Variants in VSIG10 observed in about 807,000 individuals in gnomAD.
The protein encoded by VSIG10 is V-set and immunoglobulin domain-containing protein 10.
VSIG10 carries 48 observed loss-of-function variants against 58.7 expected under a neutral mutation model. The ratio of observed to expected loss-of-function variants is 0.82; its 90% CI spans 0.65 to 1.04. The LOEUF (loss-of-function observed/expected upper bound fraction) is 1.04, where lower values mean the gene tolerates loss of function less well. Among genes scored for constraint, VSIG10 ranks in the 50% least tolerant of loss-of-function variants. The pLI, the probability that VSIG10 is intolerant of heterozygous loss-of-function variation, is 0.00. For synonymous variants in VSIG10, 260 were observed against 267.1 expected, an observed-to-expected ratio of 0.97 and a Z score of 0.26; for missense variants, 628 against 670.0, an observed-to-expected ratio of 0.94 and a Z score of 0.69.
chr12:118,071,507 A>C (rs759367839), intron 5 of VSIG10, 38 bp from the exon 6 acceptor site: 2 of 1,574,100 alleles, frequency 1.3e-6, no homozygotes, highest in Admixed American at 3.3e-5. Flanking sequence ...CTTCCATCAG[A>C]TATGTGTGCA....
In VSIG10 at chr12:118,081,228, A is replaced by C. The variant is rs1307249068; in HGVS notation, c.664+899T>G. 7.9e-5 allele frequency among the ~76,000 whole-genome samples: 12 copies of C among 152,288 alleles called. No individual in the cohort carries two copies. In the East Asian group the frequency reaches 2.3e-3, roughly 30 times the overall value. ...GCCACTGCACTCTAGCCTGGGTGAC[A>C]GAGCGAGACTCGGTCTCAAAAAGAA... On this transcript the variant is annotated intron_variant, in intron 3 of 8. Transcript: ENST00000359236.
intron 2 of VSIG10, among the ~76,000 whole-genome samples, chr12:118,093,757 A>C (rs1451659267): frequency 1.3e-5 from 2 of 151,768 alleles, no homozygotes; most frequent in African/African-American, 4.8e-5. Context: ...AAAAATACAA[A>C]AATTAGCCGG....
Position 118,079,554 on chromosome 12 carries a change from G to A in VSIG10, c.717C>T (p.Phe239=). The change falls in exon 4 of 9, where the codon TTC becomes TTT. Residue 239 remains phenylalanine (F), a synonymous_variant. Transcript: ENST00000359236. ...QCWAQMASGS[F]MLQLTCRWDG... is the part of the protein sequence containing the mutation. ...CCCAGCGACAGGTAAGCTGCAACAT[G>A]AACGATCCTGATGCCATCTGTGCCC... 1 of 1,614,030 alleles carries A rather than the reference G, an allele frequency of 6.2e-7. No homozygotes were observed. The highest frequency in any genetic ancestry group is 8.5e-7 in the Non-Finnish European group (1 of 1,179,904).
At chr12:118,073,254 G>C (rs1422500000) in intron 5 of VSIG10, among the ~76,000 whole-genome samples, 1 of 152,054 alleles carries the variant, frequency 6.6e-6, no homozygotes, top group East Asian at 1.9e-4. Context: ...CAAACTCCTG[G>C]CCTCAAGTGA....
intron 2 of VSIG10, among the ~76,000 whole-genome samples, chr12:118,094,965 G>A (rs373257160): frequency 5.2e-4 from 78 of 150,492 alleles, no homozygotes; most frequent in African/African-American, 1.5e-3. Flanking sequence ...GCGCAGTGGC[G>A]CAATCTTGGC....
chr12:118,095,459 T>A (rs749790490), intron 2 of VSIG10, 74 bp downstream of exon 2: 7 of 1,573,630 alleles, frequency 4.4e-6, no homozygotes, highest in Non-Finnish European at 6.0e-6. Context: ...AAAACCCATA[T>A]TCCTGACCAT....
At chr12:118,095,309 G>A (rs1347106675) in intron 2 of VSIG10, among the ~76,000 whole-genome samples, 1 of 152,198 alleles carries the variant, frequency 6.6e-6, no homozygotes, top group Non-Finnish European at 1.5e-5. Flanking sequence ...CCAAAGTGCT[G>A]GGATTACAGG....
At chr12:118,080,329 AT>A (rs1009025893) in intron 3 of VSIG10, among the ~76,000 whole-genome samples, 13 of 105,418 alleles carry the variant, frequency 1.2e-4, no homozygotes, top group East Asian at 8.2e-4. Context: ...TTATTTTTTC[AT>A]TTTTTTTTTA....
intron 2 of VSIG10, among the ~76,000 whole-genome samples, chr12:118,087,855 A>AAAAAAAAGAG (rs766337791): frequency 1.1e-4 from 14 of 131,234 alleles, no homozygotes; most frequent in East Asian, 2.1e-4. Context: ...AAAAAAAAAA[A>AAAAAAAAGAG]AGAGAGAGAA....
chr12:118,088,356 G>A (rs945710718), intron 2 of VSIG10, among the ~76,000 whole-genome samples: 1 of 152,062 alleles, frequency 6.6e-6, no homozygotes. Context: ...GTTCAAGTGT[G>A]CTGAGGGCTA....
At chr12:118,069,124 C>CT (rs79927128) in intron 7 of VSIG10, among the ~76,000 whole-genome samples, 27,344 of 151,908 alleles carry the variant, frequency 0.18, 2,826 homozygotes, top group East Asian at 0.53. Context: ...GAGTCTTGCG[C>CT]TGTTGCCCAG....
chr12:118,072,094 G>A (rs990217682), intron 5 of VSIG10, among the ~76,000 whole-genome samples: 45 of 150,832 alleles, frequency 3.0e-4, no homozygotes, highest in African/African-American at 8.0e-4. Context: ...ACTTGAACCC[G>A]GGAGGCGGGG....
intron 2 of VSIG10, among the ~76,000 whole-genome samples, chr12:118,088,531 C>T (rs991388058): frequency 2.0e-5 from 3 of 152,140 alleles, no homozygotes; most frequent in African/African-American, 7.2e-5. Context: ...TCATCTGGAC[C>T]ACTCCGAAAT....
chr12:118,101,342 G>T (rs2033618202), intron 1 of VSIG10, among the ~76,000 whole-genome samples: 2 of 152,180 alleles, frequency 1.3e-5, no homozygotes, highest in South Asian at 4.1e-4. Flanking sequence ...TGAGAAAATT[G>T]AGATTTAGGA....
At chr12:118,071,536 T>C (rs2032494122) in intron 5 of VSIG10, 67 bp from the exon 6 acceptor site, 1 of 1,402,262 alleles carries the variant, frequency 7.1e-7, no homozygotes. Flanking sequence ...AACACCTCCC[T>C]TTCTCTGCGT....
intron 5 of VSIG10, among the ~76,000 whole-genome samples, chr12:118,072,789 C>T (rs1317570450): frequency 6.6e-6 from 1 of 152,102 alleles, no homozygotes; most frequent in Admixed American, 6.6e-5. Context: ...CAAGATGAGA[C>T]TAGGCCTACA....
intron 2 of VSIG10, among the ~76,000 whole-genome samples, chr12:118,092,221 C>A (rs1214475186): frequency 6.6e-6 from 1 of 152,116 alleles, no homozygotes; most frequent in African/African-American, 2.4e-5. Context: ...CCATGCCCAG[C>A]TAATTACTAT....
At position 118,073,894 on chromosome 12, in the gene VSIG10, T is replaced by C. The variant is rs1482451096; in HGVS notation, c.1024A>G (p.Ile342Val). 2.5e-6 allele frequency: 4 copies of C among 1,613,874 alleles called. No individual in the cohort carries two copies. Among genetic ancestry groups the C allele is most frequent in the Non-Finnish European group, 2.5e-6 (3 of 1,179,840 alleles). ...TGGGTAAGGTTCCTCAGCCACAGGATCTTGGCAGGGGGGTAGGCCCCAGAC... is the reference window on the plus strand; with the variant it reads ...TGGGTAAGGTTCCTCAGCCACAGGACCTTGGCAGGGGGGTAGGCCCCAGAC... ...QVSGAYPPAK[I>V]LWLRNLTQPE... is the part of the protein sequence containing the mutation. The change falls in exon 5 of 9, where the codon ATC (isoleucine) becomes GTC (valine). Residue 342 changes from isoleucine (I) to valine (V), a missense_variant. Coordinates refer to ENST00000359236, the MANE Select transcript of VSIG10 (RefSeq NM_019086.6).
rs537665453 is a variant in VSIG10 at position 118,064,192 on chromosome 12, C to G, written c.*2447G>C. 3 of 152,262 alleles carry G rather than the reference C, an allele frequency of 2.0e-5. No homozygotes were observed. Among genetic ancestry groups the G allele is most frequent in the Admixed American group, 2.0e-4 (3 of 15,290 alleles). 9.4% of individuals were successfully genotyped at this position (152,262 alleles called of 1,614,324 possible). On this transcript the variant is annotated 3_prime_UTR_variant, in exon 9 of 9. Transcript: ENST00000359236. ...CGAATTCTTCAAAAAATCCTTAAAACTTGAAGACCTGGATTTTACCTGACC... is the reference window on the plus strand; with the variant it reads ...CGAATTCTTCAAAAAATCCTTAAAAGTTGAAGACCTGGATTTTACCTGACC...
Sources: allele counts gnomAD v4.1 joint callset (sites outside exome capture counted in the v4.1 genomes callset), GRCh38; gene constraint gnomAD v4.1.1; transcripts MANE v1.5; gene names NCBI Gene and HGNC (gene_info 2026-07-23, HGNC 2026-07-21).